PPWD1: variants seen among roughly 807,000 people sequenced by gnomAD.
PPWD1 encodes peptidylprolyl isomerase domain and WD repeat-containing protein 1.
A neutral mutation model predicts 68.8 loss-of-function variants in PPWD1; 43 were observed. That is an observed-to-expected ratio of 0.62 (90% confidence interval 0.49 to 0.81). The LOEUF is 0.81. Ranked by LOEUF, PPWD1 falls within the 30% of genes least tolerant of loss-of-function variation. The pLI is 0.00. For missense variants in PPWD1, 672 were observed against 804.8 expected (o/e 0.83, Z 2.00); for synonymous variants, 232 against 258.7 (o/e 0.90, Z 0.99).
chr5:65,565,081 C>A (rs963633832), intron 1 of PPWD1, among the ~76,000 whole-genome samples: 1 of 152,210 alleles, frequency 6.6e-6, no homozygotes, highest in African/African-American at 2.4e-5. Flanking sequence ...ATCATTTTTA[C>A]TTCCTGGTCC....
In PPWD1 at chr5:65,582,128, G is replaced by C. The variant is rs192498753; in HGVS notation, c.1351-910G>C. Among the ~76,000 whole-genome samples the C allele has an allele frequency of 1.3e-3, 201 of 152,246 alleles. 1 individual carries two copies. The Middle Eastern group carries it at 0.014, about 10-fold the overall frequency. On this transcript the variant is annotated intron_variant, in intron 7 of 10. Transcript: ENST00000261308. ...TGTTTATTTGGAATCTATCCAAGCA[G>C]ATCAAGGAATGACATTAGGCAAGAT... is the stretch of plus-strand genomic sequence containing the variant.
chr5:65,584,970 G>C, intron 8 of PPWD1, 44 bp from the exon 9 acceptor site: 1 of 1,590,066 alleles, frequency 6.3e-7, no homozygotes, highest in Non-Finnish European at 8.5e-7. Flanking sequence ...ACTGTTTTAA[G>C]ATGCTCTGAA....
Position 65,567,597 on chromosome 5 carries a change from C to T in PPWD1, c.281C>T (p.Thr94Ile). ...ERSYMHRDVI[T>I]HVVCTKTDFI... ...AGTTACATGCATAGAGATGTTATCA[C>T]CCATGTGGTATGCACCAAGTAAGTC... is the stretch of plus-strand genomic sequence containing the variant. Residue 94 changes from threonine to isoleucine, a missense_variant, in exon 2 of 11, where the codon ACC (threonine) becomes ATC (isoleucine). Thr to Ile is a moderately conservative substitution (Grantham distance 89, BLOSUM62 -1). Transcript: ENST00000261308. The T allele has an allele frequency of 1.2e-6, 2 of 1,609,750 alleles. No individual in the cohort carries two copies. The highest frequency in any genetic ancestry group is 1.7e-6 in the Non-Finnish European group (2 of 1,177,510).
chr5:65,576,119 T>TTGTTAA (rs11282501), intron 5 of PPWD1, among the ~76,000 whole-genome samples: 98,999 of 151,484 alleles, frequency 0.65, 32,819 homozygotes, highest in African/African-American at 0.74. Flanking sequence ...ATTTTTTATA[T>TTGTTAA]TGTTGAGATG....
intron 5 of PPWD1, among the ~76,000 whole-genome samples, chr5:65,575,097 A>G (rs1249956084): frequency 6.6e-6 from 1 of 152,220 alleles, no homozygotes; most frequent in African/African-American, 2.4e-5. Context: ...CAGGGTCACT[A>G]TATATGGCTG....
intron 6 of PPWD1, 38 bp downstream of exon 6, chr5:65,577,107 T>A (rs1369362065): frequency 6.4e-7 from 1 of 1,573,930 alleles, no homozygotes; most frequent in South Asian, 1.2e-5. Context: ...TAAAAATGTG[T>A]TTGTGGGGGA....
intron 1 of PPWD1, 36 bp downstream of exon 1, chr5:65,563,542 G>C (rs778554716): frequency 1.3e-6 from 2 of 1,572,110 alleles, no homozygotes; most frequent in Non-Finnish European, 1.7e-6. Flanking sequence ...GAATTGGAGT[G>C]CTGCGTCCGC....
At chr5:65,576,228 T>G in intron 5 of PPWD1, 1 of 693,182 alleles carries the variant, frequency 1.4e-6, no homozygotes, top group Non-Finnish European at 1.8e-6. Flanking sequence ...AAATTACCTA[T>G]GTGGCTTGTG....
rs758582962 is a variant in PPWD1 at position 65,583,234 on chromosome 5, T to C, written c.1532+15T>C. On this transcript the variant is annotated intron_variant, in intron 8 of 10. Coordinates refer to ENST00000261308, the MANE Select transcript of PPWD1 (RefSeq NM_015342.4). ...TTTCCTGTTGAGTATGTATAACAAC[T>C]GTTTTTATTGGCTTATGTAATTAAG... 1 of 1,507,948 alleles carries C rather than the reference T, an allele frequency of 6.6e-7. No individual in the cohort carries two copies. Among genetic ancestry groups the C allele is most frequent in the South Asian group, 1.3e-5 (1 of 75,326 alleles). The allele number at this position is 1,507,948 out of a possible 1,614,324, so 93.4% of individuals were successfully genotyped here.
intron 10 of PPWD1, 62 bp from the exon 11 acceptor site, chr5:65,587,191 C>A (rs1271742907): frequency 2.0e-6 from 3 of 1,469,068 alleles, no homozygotes; most frequent in Non-Finnish European, 2.7e-6. Context: ...TTTGCTCAAC[C>A]AGAGGATATA....
At position 65,578,129 on chromosome 5, in the gene PPWD1, G is replaced by A. The variant is rs533542364; in HGVS notation, c.1160+1060G>A. Among the ~76,000 whole-genome samples the A allele has an allele frequency of 2.6e-4, 39 of 152,158 alleles. No homozygotes were observed. In the South Asian group the frequency reaches 7.5e-3, roughly 29 times the overall value. The stretch of plus-strand genomic sequence containing the variant: ...TAGTCTGTCCAGATTGGCTCCTTTC[G>A]GTAATATGCATTTAAGTTTCCTCCA... On this transcript the variant is annotated intron_variant, in intron 6 of 10. Transcript: ENST00000261308.
At position 65,586,191 on chromosome 5, in the gene PPWD1, G is replaced by C. The variant is rs748667868; in HGVS notation, c.1797+10G>C. The C allele has an allele frequency of 1.9e-6, 3 of 1,604,292 alleles. No homozygotes were observed. The highest frequency in any genetic ancestry group is 2.2e-5 in the East Asian group (1 of 44,776). Reference sequence around the variant, plus strand: ...AACGGTAGTACCAACGGTAAGTACAGTATCATTGTTTATAAACTACAGATT... The same window carrying C: ...AACGGTAGTACCAACGGTAAGTACACTATCATTGTTTATAAACTACAGATT... On this transcript the variant is annotated intron_variant, in intron 10 of 10. Transcript: ENST00000261308.
intron 1 of PPWD1, among the ~76,000 whole-genome samples, chr5:65,566,167 T>G (rs899212523): frequency 2.0e-5 from 3 of 152,222 alleles, no homozygotes; most frequent in Admixed American, 6.5e-5. Flanking sequence ...GGATTAAGTT[T>G]ATCTACATAC....
intron 4 of PPWD1, among the ~76,000 whole-genome samples, chr5:65,570,681 G>C (rs6879928): frequency 0.021 from 3,140 of 152,076 alleles, 102 homozygotes; most frequent in African/African-American, 0.071. Context: ...ATCAGGGTTT[G>C]ATTTCTGATG....
rs774030829 is a variant in PPWD1, at chr5:65,567,493, CT to C, written c.197-17del. 6.3e-7 allele frequency: 1 copy of C among 1,588,038 alleles called. No homozygotes were observed. The highest frequency in any genetic ancestry group is 1.2e-5 in the South Asian group (1 of 86,812). ...TTATTTGTTAAAAATAGATCTTATA[CT>C]TTACTTTTTTTTCTTCAGTCTTAGA... is the stretch of plus-strand genomic sequence containing the variant. On this transcript the variant is annotated intron_variant, in intron 1 of 10. Transcript: ENST00000261308.
intron 7 of PPWD1, 112 bp downstream of exon 7, chr5:65,579,725 T>C (rs1490391879): frequency 2.9e-6 from 2 of 681,154 alleles, no homozygotes; most frequent in Non-Finnish European, 4.3e-6. Context: ...GCAGACTTCC[T>C]AAACAACCAG....
At chr5:65,564,835 C>T (rs891664676) in intron 1 of PPWD1, among the ~76,000 whole-genome samples, 10 of 152,148 alleles carry the variant, frequency 6.6e-5, no homozygotes, top group African/African-American at 2.2e-4. Flanking sequence ...GGAATAATTT[C>T]CCTCAACTCT....
At chr5:65,565,206 CAAGT>C (rs2150588031) in intron 1 of PPWD1, among the ~76,000 whole-genome samples, 1 of 152,290 alleles carries the variant, frequency 6.6e-6, no homozygotes, top group Non-Finnish European at 1.5e-5. Flanking sequence ...AGACTGTAAA[CAAGT>C]AAGAACCAGA....
At chr5:65,577,575 AT>A (rs1460994907) in intron 6 of PPWD1, among the ~76,000 whole-genome samples, 1 of 152,220 alleles carries the variant, frequency 6.6e-6, no homozygotes, top group African/African-American at 2.4e-5. Context: ...GGAGAAAAAA[AT>A]GTCCTGTACA....
Sources: gnomAD v4.1 joint callset for allele counts (sites outside exome capture counted in the v4.1 genomes callset) on GRCh38, gnomAD v4.1.1 for gene constraint, MANE v1.5 for transcripts, NCBI Gene and HGNC (gene_info 2026-07-23, HGNC 2026-07-21) for gene names.